The following FHIT variants were observed in gnomAD, a reference collection of about 807,000 sequenced individuals.
FHIT encodes the protein bis(5'-adenosyl)-triphosphatase.
Under a neutral mutation model 17.9 loss-of-function variants are expected in FHIT, and 19 were observed. That is an observed-to-expected ratio of 1.06 (90% CI 0.74 to 1.56). The LOEUF (loss-of-function observed/expected upper bound fraction) is 1.56, where lower values mean the gene tolerates loss of function less well. Ranked by LOEUF, FHIT falls within the 40% of genes most tolerant of loss-of-function variation. The pLI is 0.00. For synonymous variants in FHIT, 81 were observed against 69.7 expected (o/e 1.16, Z -0.81); for missense variants, 248 against 189.2 (o/e 1.31, Z -1.82).
intron 5 of FHIT, among the ~76,000 whole-genome samples, chr3:60,468,995 C>T (rs2032943944): frequency 6.6e-6 from 1 of 152,058 alleles, no homozygotes; most frequent in Admixed American, 6.6e-5. Context: ...TGTAATATCA[C>T]TCTCTCCTGG....
At chr3:60,349,517 ACT>A (rs1331813853) in intron 5 of FHIT, among the ~76,000 whole-genome samples, 1 of 152,188 alleles carries the variant, frequency 6.6e-6, no homozygotes, top group Admixed American at 6.5e-5. Context: ...TAAGGAGTTT[ACT>A]CTCTATTTTT....
intron 3 of FHIT, among the ~76,000 whole-genome samples, chr3:60,873,330 A>T (rs1258273392): frequency 1.3e-5 from 2 of 152,210 alleles, no homozygotes; most frequent in Non-Finnish European, 2.9e-5. Flanking sequence ...CTCTCCAAAG[A>T]CACACATGTA....
At chr3:60,785,436 C>A (rs547961313) in intron 4 of FHIT, among the ~76,000 whole-genome samples, 16 of 152,282 alleles carry the variant, frequency 1.1e-4, no homozygotes, top group African/African-American at 3.6e-4. Context: ...TAAACTCCCA[C>A]GAAGAGAAGT....
intron 5 of FHIT, among the ~76,000 whole-genome samples, chr3:60,213,893 T>G (rs1047960718): frequency 6.6e-6 from 1 of 152,148 alleles, no homozygotes; most frequent in Non-Finnish European, 1.5e-5. Flanking sequence ...TATCTACATC[T>G]CCTATCTCTA....
At chr3:60,435,665 T>C (rs748585965) in intron 5 of FHIT, among the ~76,000 whole-genome samples, 13 of 152,242 alleles carry the variant, frequency 8.5e-5, no homozygotes, top group Non-Finnish European at 1.9e-4. Flanking sequence ...ATAACTTTTA[T>C]ATTGTAAGTT....
Position 60,736,385 on chromosome 3 carries a change from A to G in FHIT, c.-18+85534T>C, listed in dbSNP as rs576840005. On this transcript the variant is annotated intron_variant, in intron 4 of 9. Transcript: ENST00000492590. ...CTTAACAGCCAAAATGTGGGAAAAA[A>G]AACCTTAAATTTCCATTTACTAATG... 8.5e-5 allele frequency among the ~76,000 whole-genome samples: 13 copies of G among 152,288 alleles called. No homozygotes were observed. The East Asian group carries it at 2.5e-3, about 29-fold the overall frequency.
chr3:59,870,377 A>C (rs1225468647), intron 8 of FHIT, among the ~76,000 whole-genome samples: 1 of 152,234 alleles, frequency 6.6e-6, no homozygotes, highest in Non-Finnish European at 1.5e-5. Flanking sequence ...AGGTAGTCTC[A>C]TATTTTAATC....
At chr3:60,907,747 G>C (rs1706512208) in intron 3 of FHIT, among the ~76,000 whole-genome samples, 1 of 152,174 alleles carries the variant, frequency 6.6e-6, no homozygotes, top group Non-Finnish European at 1.5e-5. Flanking sequence ...CAAGGGGGAA[G>C]AGTAATTGGG....
At chr3:61,026,137 G>A (rs1215170225) in intron 3 of FHIT, among the ~76,000 whole-genome samples, 7 of 152,058 alleles carry the variant, frequency 4.6e-5, no homozygotes, top group Non-Finnish European at 7.4e-5. Flanking sequence ...TGCTCAGGGA[G>A]AAGAAAAAAG....
intron 8 of FHIT, among the ~76,000 whole-genome samples, chr3:59,795,712 G>A (rs1226627963): frequency 6.6e-6 from 1 of 152,104 alleles, no homozygotes; most frequent in African/African-American, 2.4e-5. Context: ...GGGCAACAGA[G>A]CAAAACCCGG....
chr3:60,551,017 G>A lies in FHIT; in HGVS notation c.-17-14038C>T, dbSNP rs553926954. Among the ~76,000 whole-genome samples, 8 of 152,244 alleles carry A rather than the reference G, an allele frequency of 5.3e-5. 1 individual carries two copies. Among genetic ancestry groups the A allele is most frequent in the African/African-American group, 1.4e-4 (6 of 41,580 alleles). On this transcript the variant is annotated intron_variant, in intron 4 of 9. Coordinates refer to ENST00000492590, the MANE Select transcript of FHIT (RefSeq NM_002012.4). ...AAGGGGAATCTCACGTTTGATCTGC[G>A]AGTTGAATGATAAGAAGTCCACTGT...
intron 1 of FHIT, among the ~76,000 whole-genome samples, chr3:61,248,270 T>C (rs1373354303): frequency 1.3e-5 from 2 of 151,610 alleles, no homozygotes; most frequent in Non-Finnish European, 2.9e-5. Context: ...GGCACTGTGG[T>C]GGAAGCTGAA....
intron 3 of FHIT, among the ~76,000 whole-genome samples, chr3:61,028,536 A>T (rs2032851843): frequency 6.6e-6 from 1 of 152,148 alleles, no homozygotes; most frequent in Non-Finnish European, 1.5e-5. Flanking sequence ...GCATAATAGG[A>T]AGAAGGATTC....
In FHIT at chr3:60,360,272, C is replaced by CA. The variant is rs763066988; in HGVS notation, c.103+176587dup. 2.0e-5 allele frequency among the ~76,000 whole-genome samples: 3 copies of CA among 151,548 alleles called. No homozygotes were observed. The East Asian group carries it at 5.8e-4, about 29-fold the overall frequency. On this transcript the variant is annotated intron_variant, in intron 5 of 9. Coordinates refer to ENST00000492590, the MANE Select transcript of FHIT (RefSeq NM_002012.4). ...TTTGAGATGGAGTCTCACTCTGAAACAATCTTGAAAAGCCTCCAGAAGGTA... is the reference window on the plus strand; with the variant it reads ...TTTGAGATGGAGTCTCACTCTGAAACAAATCTTGAAAAGCCTCCAGAAGGTA...
chr3:60,549,487 C>G (rs1389279022), intron 4 of FHIT, among the ~76,000 whole-genome samples: 1 of 152,120 alleles, frequency 6.6e-6, no homozygotes, highest in Non-Finnish European at 1.5e-5. Flanking sequence ...ATTTGAGAAT[C>G]ACTGTGTTCA....
intron 1 of FHIT, among the ~76,000 whole-genome samples, chr3:61,203,508 A>C (rs2039100689): frequency 6.6e-6 from 1 of 152,232 alleles, no homozygotes; most frequent in Non-Finnish European, 1.5e-5. Flanking sequence ...GATATGCTTG[A>C]ATAAGCGGGA....
chr3:59,904,315 T>C (rs1704482342), intron 8 of FHIT, among the ~76,000 whole-genome samples: 1 of 122,286 alleles, frequency 8.2e-6, no homozygotes. Flanking sequence ...AGGAAACTAA[T>C]TAAAAAAAAA....
At position 60,798,119 on chromosome 3, in the gene FHIT, A is replaced by C. The variant is rs78913263; in HGVS notation, c.-18+23800T>G. Among the ~76,000 whole-genome samples the C allele has an allele frequency of 8.0e-3, 1,215 of 152,326 alleles. 24 individuals are homozygous for C. Among genetic ancestry groups the C allele is most frequent in the African/African-American group, 0.028 (1,150 of 41,574 alleles). ...TTCTCTGTCACTGCCCTAGCACAAA[A>C]GGAATCACAGACAATGCATAAGTGA... On this transcript the variant is annotated intron_variant, in intron 4 of 9. Coordinates refer to ENST00000492590, the MANE Select transcript of FHIT (RefSeq NM_002012.4).
intron 5 of FHIT, among the ~76,000 whole-genome samples, chr3:60,078,570 G>A (rs13070338): frequency 0.34 from 52,101 of 151,864 alleles, 10,143 homozygotes; most frequent in Middle Eastern, 0.56. Flanking sequence ...AATGGATCCT[G>A]GACCCAAATA....
Sources: allele counts gnomAD v4.1 joint callset (sites outside exome capture counted in the v4.1 genomes callset), GRCh38; gene constraint gnomAD v4.1.1; transcripts MANE v1.5; gene names NCBI Gene and HGNC (gene_info 2026-07-23, HGNC 2026-07-21).